Variants in AHI1 observed in about 807,000 individuals in gnomAD.
AHI1 encodes jouberin.
AHI1 carries 123 observed loss-of-function variants against 149.3 expected under a neutral mutation model. The observed-to-expected ratio is 0.82, with a 90% CI of 0.71 to 0.96. The LOEUF is 0.96. AHI1 is among the 40% of genes least tolerant of loss of function. The pLI is 0.00. For missense variants in AHI1, 1,439 were observed against 1,422.7 expected (o/e 1.01, Z -0.18); for synonymous variants, 475 against 459.8 (o/e 1.03, Z -0.42).
intron 16 of AHI1, 104 bp from the exon 17 acceptor site, chr6:135,431,418 T>C (rs1313752248): frequency 6.8e-6 from 4 of 591,894 alleles, no homozygotes; most frequent in Admixed American, 3.7e-5. Flanking sequence ...AGTCAAAGAA[T>C]TGAAGGGCTA....
At chr6:135,371,587 T>C (rs79802458) in intron 23 of AHI1, among the ~76,000 whole-genome samples, 3,185 of 152,352 alleles carry the variant, frequency 0.021, 131 homozygotes, top group African/African-American at 0.073. Context: ...TTTAATTTTA[T>C]AGCTCATCTT....
intron 27 of AHI1, among the ~76,000 whole-genome samples, chr6:135,297,912 G>A (rs1783341764): frequency 6.6e-6 from 1 of 152,116 alleles, no homozygotes; most frequent in African/African-American, 2.4e-5. Flanking sequence ...ACCATATTAA[G>A]AAGAGATTTC....
At chr6:135,377,185 T>G (rs907806661) in intron 23 of AHI1, among the ~76,000 whole-genome samples, 1 of 152,088 alleles carries the variant, frequency 6.6e-6, no homozygotes, top group Non-Finnish European at 1.5e-5. Flanking sequence ...ATATCCTTAC[T>G]TTAGCAAATG....
At chr6:135,474,764 C>A (rs1056090723) in intron 5 of AHI1, among the ~76,000 whole-genome samples, 40 of 152,174 alleles carry the variant, frequency 2.6e-4, no homozygotes, top group Admixed American at 2.6e-3. Context: ...ATATTCCTGA[C>A]ATAAACTCCA....
At chr6:135,391,420 C>T (rs568763756) in intron 23 of AHI1, among the ~76,000 whole-genome samples, 1 of 152,228 alleles carries the variant, frequency 6.6e-6, no homozygotes, top group South Asian at 2.1e-4. Flanking sequence ...CAACCTAGAT[C>T]CCTACGTGTG....
intron 23 of AHI1, among the ~76,000 whole-genome samples, chr6:135,384,327 T>C (rs1032118775): frequency 1.3e-5 from 2 of 152,364 alleles, no homozygotes; most frequent in Non-Finnish European, 2.9e-5. Flanking sequence ...TATTGCACTG[T>C]AAGACAAACA....
At chr6:135,379,529 A>G (rs1338072940) in intron 23 of AHI1, among the ~76,000 whole-genome samples, 3 of 152,162 alleles carry the variant, frequency 2.0e-5, no homozygotes, top group Admixed American at 6.5e-5. Flanking sequence ...ATTTGTTACT[A>G]TATCATCTGC....
chr6:135,460,637 C>A (rs922652061), intron 8 of AHI1, among the ~76,000 whole-genome samples: 1 of 152,064 alleles, frequency 6.6e-6, no homozygotes, highest in Non-Finnish European at 1.5e-5. Flanking sequence ...CTAGACAATG[C>A]AGATGAAGAA....
chr6:135,393,665 T>A (rs1778828792), intron 23 of AHI1, among the ~76,000 whole-genome samples: 2 of 152,156 alleles, frequency 1.3e-5, no homozygotes, highest in South Asian at 4.1e-4. Flanking sequence ...TTATTAATTA[T>A]TATAGTGACT....
chr6:135,427,294 G>T lies in AHI1; in HGVS notation c.2637C>A (p.Ala879=), dbSNP rs1308009765. 6.2e-7 allele frequency: 1 copy of T among 1,608,716 alleles called. No homozygotes were observed. Among genetic ancestry groups the T allele is most frequent in the Admixed American group, 1.7e-5 (1 of 59,622 alleles). The part of the protein sequence containing the change: ...VWNPETGEQV[A]MYSDLPFKSP... Reference sequence around the variant, plus strand: ...ACTTGAATGGCAAGTCAGAATACATGGCTACTTGTTCTCCTAAATAAAAAG... The same window carrying T: ...ACTTGAATGGCAAGTCAGAATACATTGCTACTTGTTCTCCTAAATAAAAAG... The change falls in exon 20 of 29, where the codon GCC becomes GCA. Residue 879 remains alanine (A), a synonymous_variant. Coordinates refer to ENST00000265602, the MANE Select transcript of AHI1 (RefSeq NM_001134831.2).
rs369944308 is a variant in AHI1 at position 135,361,510 on chromosome 6, T to G, written c.3110-3323A>C. 8.4e-4 allele frequency among the ~76,000 whole-genome samples: 128 copies of G among 152,230 alleles called. 3 individuals are homozygous for G. The South Asian group carries it at 0.026, about 31-fold the overall frequency. On this transcript the variant is annotated intron_variant, in intron 23 of 28. Coordinates refer to ENST00000265602, the MANE Select transcript of AHI1 (RefSeq NM_001134831.2). ...TTAATAGCCATTTTCTTTTAGAAAA[T>G]GATTTCATTCCATTATTTCTTATGA...
At chr6:135,287,631 A>C (rs1342401109) in intron 28 of AHI1, among the ~76,000 whole-genome samples, 1 of 152,228 alleles carries the variant, frequency 6.6e-6, no homozygotes, top group African/African-American at 2.4e-5. Flanking sequence ...ATCTTCTCAT[A>C]AAGTATCTCT....
At chr6:135,297,786 G>A (rs1314207510) in intron 27 of AHI1, among the ~76,000 whole-genome samples, 2 of 151,962 alleles carry the variant, frequency 1.3e-5, no homozygotes, top group East Asian at 3.9e-4. Flanking sequence ...AAAAAATGTG[G>A]ACTATAAACT....
intron 5 of AHI1, among the ~76,000 whole-genome samples, chr6:135,473,344 C>T (rs1445414287): frequency 6.6e-6 from 1 of 152,130 alleles, no homozygotes; most frequent in African/African-American, 2.4e-5. Context: ...GTATTCATCA[C>T]TATTGCTTTA....
intron 5 of AHI1, among the ~76,000 whole-genome samples, chr6:135,473,807 T>C (rs1299205723): frequency 1.3e-5 from 2 of 152,266 alleles, no homozygotes; most frequent in Middle Eastern, 3.4e-3. Flanking sequence ...AGAAATACAA[T>C]TGGTTTTTAC....
rs1346403181 is a variant in AHI1 at position 135,429,856 on chromosome 6, T to C, written c.2492+26A>G. ...TCATTACTTACTCTGTGAGTACTTATCCTGTCAACACTGAAATATACTTAC... is the reference window on the plus strand; with the variant it reads ...TCATTACTTACTCTGTGAGTACTTACCCTGTCAACACTGAAATATACTTAC... On this transcript the variant is annotated intron_variant, in intron 18 of 28. Coordinates refer to ENST00000265602, the MANE Select transcript of AHI1 (RefSeq NM_001134831.2). 4 of 1,325,222 alleles carry C rather than the reference T, an allele frequency of 3.0e-6. No individual in the cohort carries two copies. In the East Asian group the frequency reaches 7.2e-5, roughly 24 times the overall value. 82.1% of individuals were successfully genotyped at this position (1,325,222 alleles called of 1,614,324 possible).
chr6:135,335,920 C>T (rs760839551), intron 24 of AHI1, among the ~76,000 whole-genome samples: 1 of 151,872 alleles, frequency 6.6e-6, no homozygotes, highest in Non-Finnish European at 1.5e-5. Flanking sequence ...TGAGACCAGC[C>T]TGGCCAACAT....
rs573466510 is a variant in AHI1 at position 135,452,690 on chromosome 6, C to T, written c.1440+651G>A. 8.3e-4 allele frequency among the ~76,000 whole-genome samples: 127 copies of T among 152,214 alleles called. 1 individual carries two copies. The highest frequency in any genetic ancestry group is 2.9e-3 in the African/African-American group (120 of 41,554). ...CTCATCATAATTAACATCCCGTTGA[C>T]CTTAGCAACCTCTTCATGCACCATT... is the stretch of plus-strand genomic sequence containing the variant. On this transcript the variant is annotated intron_variant, in intron 11 of 28. Transcript: ENST00000265602.
At chr6:135,352,358 C>A (rs899549686) in intron 24 of AHI1, among the ~76,000 whole-genome samples, 2 of 152,078 alleles carry the variant, frequency 1.3e-5, no homozygotes, top group Non-Finnish European at 2.9e-5. Context: ...ATTTTCTACC[C>A]ATCTATAAAC....
Sources: allele counts gnomAD v4.1 joint callset (sites outside exome capture counted in the v4.1 genomes callset), GRCh38; gene constraint gnomAD v4.1.1; transcripts MANE v1.5; gene names NCBI Gene and HGNC (gene_info 2026-07-23, HGNC 2026-07-21).